Variants in ANKS1B observed in about 807,000 individuals in gnomAD.
The protein encoded by ANKS1B is ankyrin repeat and sterile alpha motif domain-containing protein 1B.
Under a neutral mutation model 148.3 loss-of-function variants are expected in ANKS1B, and 36 were observed. That is an observed-to-expected ratio of 0.24 (90% confidence interval 0.19 to 0.32). ANKS1B has a LOEUF of 0.32. Ranked by LOEUF, ANKS1B falls within the 10% of genes least tolerant of loss-of-function variation. The pLI is 1.00. For synonymous variants in ANKS1B, 542 were observed against 560.8 expected (o/e 0.97, Z 0.47); for missense variants, 1,157 against 1,542.6 (o/e 0.75, Z 4.19).
intron 14 of ANKS1B, among the ~76,000 whole-genome samples, chr12:99,193,977 T>C (rs1192998786): frequency 6.6e-6 from 1 of 151,768 alleles, no homozygotes; most frequent in African/African-American, 2.4e-5. Context: ...AATTTTTGTA[T>C]TTTTAGTAGA....
At chr12:99,552,494 C>T (rs913875739) in intron 9 of ANKS1B, among the ~76,000 whole-genome samples, 9 of 152,324 alleles carry the variant, frequency 5.9e-5, no homozygotes, top group African/African-American at 1.9e-4. Flanking sequence ...ATAAAACTCT[C>T]ACTAAATAGT....
At chr12:99,648,366 C>A (rs2098392789) in intron 9 of ANKS1B, 1 of 1,614,060 alleles carries the variant, frequency 6.2e-7, no homozygotes, top group South Asian at 1.1e-5. Flanking sequence ...ACGTGCACAA[C>A]CGTGCCCGAA....
intron 1 of ANKS1B, among the ~76,000 whole-genome samples, chr12:99,950,452 T>C (rs2153822432): frequency 6.6e-6 from 1 of 152,228 alleles, no homozygotes; most frequent in East Asian, 1.9e-4. Context: ...CCTTTCCCCG[T>C]ATGAATATAT....
At chr12:99,477,016 T>C (rs2096335011) in intron 10 of ANKS1B, among the ~76,000 whole-genome samples, 1 of 152,016 alleles carries the variant, frequency 6.6e-6, no homozygotes, top group Non-Finnish European at 1.5e-5. Flanking sequence ...CCCATGGGCC[T>C]CTCCACGGAA....
At chr12:99,228,108 G>A (rs1287290270) in intron 14 of ANKS1B, among the ~76,000 whole-genome samples, 4 of 151,548 alleles carry the variant, frequency 2.6e-5, no homozygotes, top group Admixed American at 1.3e-4. Flanking sequence ...TGGAATTATA[G>A]AGCTGGAAAA....
At chr12:99,535,149 A>T (rs1008218535) in intron 9 of ANKS1B, among the ~76,000 whole-genome samples, 1 of 152,252 alleles carries the variant, frequency 6.6e-6, no homozygotes, top group Non-Finnish European at 1.5e-5. Flanking sequence ...ACTTTTAGCT[A>T]AATGAAGGAA....
At chr12:99,492,263 A>G (rs1044846123) in intron 10 of ANKS1B, among the ~76,000 whole-genome samples, 2 of 152,334 alleles carry the variant, frequency 1.3e-5, no homozygotes, top group East Asian at 1.9e-4. Flanking sequence ...ATGAGAGGCA[A>G]CTATGAACAT....
At chr12:99,470,076 C>A (rs2096213453) in intron 10 of ANKS1B, among the ~76,000 whole-genome samples, 1 of 151,596 alleles carries the variant, frequency 6.6e-6, no homozygotes, top group African/African-American at 2.4e-5. Flanking sequence ...TTATGATTAT[C>A]CCACTGCACT....
intron 1 of ANKS1B, among the ~76,000 whole-genome samples, chr12:99,952,256 T>A (rs957403602): frequency 2.3e-4 from 35 of 152,176 alleles, no homozygotes; most frequent in African/African-American, 8.4e-4. Context: ...TTGGAAATGC[T>A]GAATTGATCC....
At chr12:99,300,925 T>G (rs1398794394) in intron 12 of ANKS1B, among the ~76,000 whole-genome samples, 1 of 152,162 alleles carries the variant, frequency 6.6e-6, no homozygotes, top group Non-Finnish European at 1.5e-5. Flanking sequence ...GGATATTTAT[T>G]ATGGGAATTG....
chr12:99,830,455 G>GA (rs534372610), intron 1 of ANKS1B, among the ~76,000 whole-genome samples: 1,706 of 151,382 alleles, frequency 0.011, 41 homozygotes, highest in African/African-American at 0.038. Flanking sequence ...GAATTTACGG[G>GA]AAAAAAAATT....
chr12:99,246,796 G>A lies in ANKS1B; in HGVS notation c.1825C>T (p.Leu609Phe), dbSNP rs763679010. The A allele has an allele frequency of 3.1e-6, 5 of 1,613,016 alleles. No individual in the cohort carries two copies. The highest frequency in any genetic ancestry group is 3.4e-6 in the Non-Finnish European group (4 of 1,179,698). ...EYDPGQFAGL[L>F]HGSSPACESP... ...TCACAGGCTGGAGAGGATCCATGGAGCAGGCCTGCAAATTGCCCAGGATCA... is the reference window on the plus strand; with the variant it reads ...TCACAGGCTGGAGAGGATCCATGGAACAGGCCTGCAAATTGCCCAGGATCA... Residue 609 changes from leucine (L) to phenylalanine (F), a missense_variant, in exon 13 of 27, where the codon CTC becomes TTC. Around this residue, in one of 6 missense-constraint regions of ANKS1B, gnomAD observed 661 missense variants for 642.1 expected, o/e 1.03. Coordinates refer to ENST00000683438, the MANE Select transcript of ANKS1B (RefSeq NM_001352186.2).
chr12:98,785,866 T>C (rs1020822636), intron 22 of ANKS1B, among the ~76,000 whole-genome samples: 3 of 152,182 alleles, frequency 2.0e-5, no homozygotes, highest in African/African-American at 7.2e-5. Flanking sequence ...TAAACAGAAC[T>C]CTGTACTTCA....
chr12:98,817,872 G>A (rs1026943193), intron 19 of ANKS1B, among the ~76,000 whole-genome samples: 2 of 152,112 alleles, frequency 1.3e-5, no homozygotes, highest in African/African-American at 2.4e-5. Flanking sequence ...GTGCCTGTGG[G>A]GAGGATTTTT....
chr12:99,123,431 C>T (rs1304830572), intron 15 of ANKS1B, among the ~76,000 whole-genome samples: 1 of 152,044 alleles, frequency 6.6e-6, no homozygotes, highest in Non-Finnish European at 1.5e-5. Flanking sequence ...GGGTATTAGT[C>T]AGGGTTCTCT....
intron 1 of ANKS1B, among the ~76,000 whole-genome samples, chr12:99,838,069 C>T (rs2153694907): frequency 6.6e-6 from 1 of 152,226 alleles, no homozygotes; most frequent in African/African-American, 2.4e-5. Flanking sequence ...AAGATAATGG[C>T]CTCCAGCTCC....
chr12:99,464,696 T>C (rs1329946634), intron 10 of ANKS1B, among the ~76,000 whole-genome samples: 5 of 152,054 alleles, frequency 3.3e-5, no homozygotes, highest in African/African-American at 1.2e-4. Flanking sequence ...GTATCAGTGA[T>C]GGAAGATGAA....
intron 8 of ANKS1B, among the ~76,000 whole-genome samples, chr12:99,688,447 T>C (rs897746094): frequency 6.6e-6 from 1 of 152,244 alleles, no homozygotes; most frequent in African/African-American, 2.4e-5. Context: ...TTATATACTG[T>C]GTCCATTTTT....
intron 14 of ANKS1B, among the ~76,000 whole-genome samples, chr12:99,174,318 T>C (rs1374608027): frequency 6.6e-6 from 1 of 152,168 alleles, no homozygotes. Flanking sequence ...ACTGAAGCTT[T>C]GTGAAAGGGC....
Sources: gnomAD v4.1 joint callset for allele counts (sites outside exome capture counted in the v4.1 genomes callset) on GRCh38, gnomAD v4.1.1 for gene constraint, gnomAD v4.1.1 regional missense constraint, MANE v1.5 for transcripts, NCBI Gene and HGNC (gene_info 2026-07-23, HGNC 2026-07-21) for gene names.